DIP2B: variants seen among roughly 807,000 people sequenced by gnomAD.
DIP2B encodes the protein disco-interacting protein 2 homolog B.
DIP2B carries 76 observed loss-of-function variants against 198.0 expected under a neutral mutation model. The ratio of observed to expected loss-of-function variants is 0.38; its 90% confidence interval spans 0.32 to 0.46. The LOEUF (loss-of-function observed/expected upper bound fraction) is 0.46, where lower values mean the gene tolerates loss of function less well. Among genes scored for constraint, DIP2B ranks in the 20% least tolerant of loss-of-function variants. The pLI, the probability that DIP2B is intolerant of heterozygous loss-of-function variation, is 0.99. For synonymous variants in DIP2B, 701 were observed against 739.1 expected, an observed-to-expected ratio of 0.95 and a Z score of 0.84; for missense variants, 1,559 against 1,978.4, an observed-to-expected ratio of 0.79 and a Z score of 4.02.
intron 20 of DIP2B, 87 bp from the exon 21 acceptor site, chr12:50,706,450 TG>T (rs1227754204): frequency 1.4e-6 from 2 of 1,476,884 alleles, no homozygotes; most frequent in Admixed American, 2.0e-5. Flanking sequence ...ACTTTTTAAA[TG>T]AGATTTATTT....
intron 1 of DIP2B, among the ~76,000 whole-genome samples, chr12:50,615,536 A>G (rs946548870): frequency 1.3e-5 from 2 of 152,130 alleles, no homozygotes; most frequent in African/African-American, 2.4e-5. Flanking sequence ...AACTTTAGTG[A>G]TACTTGATGC....
intron 1 of DIP2B, among the ~76,000 whole-genome samples, chr12:50,516,557 A>G (rs1348624055): frequency 6.6e-6 from 1 of 152,074 alleles, no homozygotes; most frequent in Non-Finnish European, 1.5e-5. Context: ...CCTGGACCCC[A>G]TCTCTTAATA....
At chr12:50,607,641 T>G (rs1409792602) in intron 1 of DIP2B, among the ~76,000 whole-genome samples, 1 of 152,164 alleles carries the variant, frequency 6.6e-6, no homozygotes, top group African/African-American at 2.4e-5. Context: ...TGCTCTGAAG[T>G]GTAATAGAAT....
At chr12:50,642,473 C>T (rs942071336) in intron 3 of DIP2B, among the ~76,000 whole-genome samples, 1 of 151,972 alleles carries the variant, frequency 6.6e-6, no homozygotes, top group Non-Finnish European at 1.5e-5. Flanking sequence ...AGATATTTTG[C>T]AGAAAGAAGG....
At chr12:50,697,198 C>A (rs1377281640) in intron 17 of DIP2B, 23 bp downstream of exon 17, 3 of 1,598,892 alleles carry the variant, frequency 1.9e-6, no homozygotes, top group Non-Finnish European at 2.6e-6. Context: ...ATGTCAGATG[C>A]TCTTGATGTA....
chr12:50,612,223 G>A (rs1593655792), intron 1 of DIP2B, among the ~76,000 whole-genome samples: 1 of 152,006 alleles, frequency 6.6e-6, no homozygotes, highest in African/African-American at 2.4e-5. Context: ...CTCCAGCCTG[G>A]GCCACAGAGT....
chr12:50,679,070 C>T, intron 8 of DIP2B, 194 bp downstream of exon 8: 1 of 623,390 alleles, frequency 1.6e-6, no homozygotes, highest in Non-Finnish European at 2.7e-6. Flanking sequence ...ATTTGCAAGC[C>T]AGCTAATATT....
intron 2 of DIP2B, among the ~76,000 whole-genome samples, chr12:50,627,411 A>G (rs12425844): frequency 6.6e-6 from 1 of 151,986 alleles, no homozygotes; most frequent in East Asian, 1.9e-4. Flanking sequence ...ATGGTTCACT[A>G]CAGCCTCAAT....
At chr12:50,636,741 T>C (rs559057084) in intron 2 of DIP2B, among the ~76,000 whole-genome samples, 1 of 152,304 alleles carries the variant, frequency 6.6e-6, no homozygotes, top group Non-Finnish European at 1.5e-5. Context: ...GGTACTCTAC[T>C]TGGACTCCCG....
chr12:50,671,817 A>G (rs146049382), intron 5 of DIP2B, among the ~76,000 whole-genome samples: 19 of 152,364 alleles, frequency 1.2e-4, no homozygotes, highest in African/African-American at 4.1e-4. Context: ...TACTGAGCCA[A>G]TATCAGTGAG....
intron 30 of DIP2B, 107 bp downstream of exon 30, chr12:50,728,785 A>ATTC: frequency 7.0e-7 from 1 of 1,434,194 alleles, no homozygotes; most frequent in Non-Finnish European, 9.3e-7. Flanking sequence ...TTTCAGTAAA[A>ATTC]TGCTAGTGTT....
intron 3 of DIP2B, among the ~76,000 whole-genome samples, chr12:50,650,491 C>G (rs78984012): frequency 0.014 from 2,091 of 152,242 alleles, 45 homozygotes; most frequent in African/African-American, 0.047. Flanking sequence ...CTCTCAGCCT[C>G]CAGCAACCAC....
chr12:50,596,339 A>G (rs951921407), intron 1 of DIP2B, among the ~76,000 whole-genome samples: 1 of 152,202 alleles, frequency 6.6e-6, no homozygotes, highest in Non-Finnish European at 1.5e-5. Context: ...GGTGGTAAAA[A>G]CAGATTAACA....
At chr12:50,585,866 G>C (rs1171300530) in intron 1 of DIP2B, among the ~76,000 whole-genome samples, 4 of 152,134 alleles carry the variant, frequency 2.6e-5, no homozygotes, top group Admixed American at 2.6e-4. Context: ...ATTATCCTGG[G>C]CATTTACTTT....
At chr12:50,710,119 T>G (rs1939588634) in intron 22 of DIP2B, among the ~76,000 whole-genome samples, 1 of 152,242 alleles carries the variant, frequency 6.6e-6, no homozygotes, top group African/African-American at 2.4e-5. Context: ...ATTTATTGTT[T>G]TCTACATCCA....
At chr12:50,678,558 C>T in intron 7 of DIP2B, 121 bp from the exon 8 acceptor site, 5 of 1,080,416 alleles carry the variant, frequency 4.6e-6, no homozygotes, top group Admixed American at 5.6e-5. Flanking sequence ...TGTCCTTTCT[C>T]AAAGTGAGTT....
At chr12:50,737,964 TG>T (rs1252491514) in intron 35 of DIP2B, among the ~76,000 whole-genome samples, 1 of 152,160 alleles carries the variant, frequency 6.6e-6, no homozygotes, top group Non-Finnish European at 1.5e-5. Flanking sequence ...AGGAGCCAGA[TG>T]ACCTCGGCTC....
rs1437259937 is a variant in DIP2B at position 50,731,468 on chromosome 12, C to T, written c.3741C>T (p.Asp1247=). The change falls in exon 31 of 38, where the codon GAC becomes GAT. Residue 1247 remains aspartate, a synonymous_variant. Transcript: ENST00000301180. ...LSTVNQYKIR[D]TFCSYSVMEL... is the part of the protein sequence containing the mutation. ...CAGTCAACCAGTACAAAATAAGGGACACTTTCTGCTCCTATTCAGTGATGG... is the reference window on the plus strand; with the variant it reads ...CAGTCAACCAGTACAAAATAAGGGATACTTTCTGCTCCTATTCAGTGATGG... 1 of 1,614,110 alleles carries T rather than the reference C, an allele frequency of 6.2e-7. No homozygotes were observed. The highest frequency in any genetic ancestry group is 8.5e-7 in the Non-Finnish European group (1 of 1,180,002).
chr12:50,510,762 C>T (rs1242148819), intron 1 of DIP2B, among the ~76,000 whole-genome samples: 4 of 151,884 alleles, frequency 2.6e-5, no homozygotes, highest in African/African-American at 7.3e-5. Flanking sequence ...TCTTCTGCCT[C>T]AGCCTCCTGA....
Sources: allele counts gnomAD v4.1 joint callset (sites outside exome capture counted in the v4.1 genomes callset), GRCh38; gene constraint gnomAD v4.1.1; transcripts MANE v1.5; gene names NCBI Gene and HGNC (gene_info 2026-07-23, HGNC 2026-07-21).